Variants in TP53BP2 observed in about 807,000 individuals in gnomAD.
TP53BP2 encodes the protein tumor protein p53 binding protein 2.
TP53BP2 carries 62 observed loss-of-function variants against 126.2 expected under a neutral mutation model. The ratio of observed to expected loss-of-function variants is 0.49; its 90% CI spans 0.40 to 0.61. The LOEUF is 0.61. Among genes scored for constraint, TP53BP2 ranks in the 20% least tolerant of loss-of-function variants. TP53BP2 has a pLI of 0.00. For synonymous variants in TP53BP2, 485 were observed against 502.9 expected (o/e 0.96, Z 0.48); for missense variants, 1,215 against 1,402.8 (o/e 0.87, Z 2.14).
At chr1:223,824,704 T>C (rs376999998) in intron 1 of TP53BP2, among the ~76,000 whole-genome samples, 2 of 152,100 alleles carry the variant, frequency 1.3e-5, no homozygotes, top group Admixed American at 6.5e-5. Context: ...AGAGCTACTA[T>C]TTAGTAAATG....
chr1:223,812,960 A>C (rs1662962698), intron 3 of TP53BP2, among the ~76,000 whole-genome samples: 1 of 152,116 alleles, frequency 6.6e-6, no homozygotes, highest in Admixed American at 6.5e-5. Flanking sequence ...AGCCTCCCAA[A>C]GTGCTGGGAT....
At position 223,779,979 on chromosome 1, in the gene TP53BP2, A is replaced by G. The variant is rs1381247082; in HGVS notation, c.*874T>C. Reference sequence around the variant, plus strand: ...AAAAAACTCTTATTACGATACATATACTTATGTTAAGCAGTTTGTTCTTTT... The same window carrying G: ...AAAAAACTCTTATTACGATACATATGCTTATGTTAAGCAGTTTGTTCTTTT... On this transcript the variant is annotated 3_prime_UTR_variant, in exon 18 of 18. Transcript: ENST00000343537. The G allele has an allele frequency of 1.3e-5, 2 of 152,202 alleles. No homozygotes were observed. Among genetic ancestry groups the G allele is most frequent in the Non-Finnish European group, 2.9e-5 (2 of 68,036 alleles). The allele number at this position is 152,202 out of a possible 1,614,324, so 9.4% of individuals were successfully genotyped here.
chr1:223,788,354 C>G (rs1662040810), intron 16 of TP53BP2, among the ~76,000 whole-genome samples: 1 of 152,148 alleles, frequency 6.6e-6, no homozygotes, highest in Admixed American at 6.5e-5. Context: ...TTTAATTCCT[C>G]TCAAGCCCAA....
chr1:223,840,300 AT>A (rs1176092135), intron 1 of TP53BP2, among the ~76,000 whole-genome samples: 2 of 152,226 alleles, frequency 1.3e-5, no homozygotes, highest in Non-Finnish European at 2.9e-5. Context: ...ATAACTATAC[AT>A]TTCATACATA....
Position 223,798,299 on chromosome 1 carries a change from G to T in TP53BP2, c.1864C>A (p.Gln622Lys). The T allele has an allele frequency of 6.2e-7, 1 of 1,614,180 alleles. No individual in the cohort carries two copies. Among genetic ancestry groups the T allele is most frequent in the Non-Finnish European group, 8.5e-7 (1 of 1,180,034 alleles). Reference protein sequence around the residue: ...ASSIYSMYTQQQAPGKNFQQA... With the variant: ...ASSIYSMYTQKQAPGKNFQQA... ...TGGAAGTTTTTTCCTGGCGCCTGCT[G>T]TTGCGTATACATGGAATATATTGAA... Residue 622 changes from glutamine to lysine, a missense_variant, in exon 12 of 18, where the codon CAG (glutamine) becomes AAG (lysine). Gln to Lys is a moderately conservative substitution (Grantham distance 53). Coordinates refer to ENST00000343537, the MANE Select transcript of TP53BP2 (RefSeq NM_001031685.3).
At chr1:223,817,488 T>G (rs1346175248) in intron 2 of TP53BP2, among the ~76,000 whole-genome samples, 1 of 152,158 alleles carries the variant, frequency 6.6e-6, no homozygotes, top group Non-Finnish European at 1.5e-5. Context: ...ATCCACCCCC[T>G]AGAGAAATGC....
At chr1:223,821,550 C>G (rs1182053198) in intron 1 of TP53BP2, 183 bp from the exon 2 acceptor site, 2 of 782,802 alleles carry the variant, frequency 2.6e-6, no homozygotes, top group Non-Finnish European at 4.5e-6. Flanking sequence ...GGAGCCCAGC[C>G]CCTACCATGG....
At position 223,796,066 on chromosome 1, in the gene TP53BP2, C is replaced by G; in HGVS notation, c.2473G>C (p.Glu825Gln). 1 of 1,614,216 alleles carries G rather than the reference C, an allele frequency of 6.2e-7. No homozygotes were observed. ...GAAGGAGCTGGCATGTCACTGTTCTCTGTACTGGCATTCCCCACATCCTCT... is the reference window on the plus strand; with the variant it reads ...GAAGGAGCTGGCATGTCACTGTTCTGTGTACTGGCATTCCCCACATCCTCT... ...SPEDVGNAST[E>Q]NSDMPAPSPG... The change falls in exon 13 of 18, where the codon GAG becomes CAG. Residue 825 changes from glutamate (E) to glutamine (Q), a missense_variant. Transcript: ENST00000343537. This position sits in a 1 kb window ranked among gnomAD's most constrained non-coding sequence, Gnocchi z 4.2.
rs920289084 is a variant in TP53BP2, at chr1:223,780,999, A to G, written c.3364-105T>C. The G allele has an allele frequency of 6.3e-6, 7 of 1,110,410 alleles. No homozygotes were observed. The African/African-American group carries it at 1.1e-4, about 18-fold the overall frequency. 68.8% of individuals were successfully genotyped at this position (1,110,410 alleles called of 1,614,324 possible). A position where few individuals can be genotyped will look rare whatever the true frequency, so the allele number is the denominator to read the frequency against. On this transcript the variant is annotated intron_variant, in intron 17 of 17. Transcript: ENST00000343537. ...AGGGGACAGATGTCATGGGAAGGAA[A>G]TCAAAGTGAGAAAAGCACTCTTTGT...
intron 1 of TP53BP2, among the ~76,000 whole-genome samples, chr1:223,828,874 G>A (rs1663598599): frequency 6.6e-6 from 1 of 152,120 alleles, no homozygotes; most frequent in African/African-American, 2.4e-5. Context: ...TCTTTCTCGG[G>A]TGATGAAAAT....
intron 11 of TP53BP2, 116 bp from the exon 12 acceptor site, chr1:223,798,793 C>T (rs1280093317): frequency 6.4e-6 from 6 of 943,288 alleles, no homozygotes; most frequent in South Asian, 1.8e-5. Context: ...TAGCTCTGGC[C>T]GGGTGCAGGG....
chr1:223,819,511 C>T (rs891973154), intron 2 of TP53BP2, among the ~76,000 whole-genome samples: 126 of 151,870 alleles, frequency 8.3e-4, no homozygotes, highest in Non-Finnish European at 1.4e-3. Context: ...ACGGTGAAAC[C>T]CTGTCTCTAC....
At chr1:223,798,050 AT>A (rs1662392987) in intron 12 of TP53BP2, among the ~76,000 whole-genome samples, 164 bp downstream of exon 12, 2 of 152,126 alleles carry the variant, frequency 1.3e-5, no homozygotes, top group African/African-American at 4.8e-5. Flanking sequence ...AGGAGCAGAC[AT>A]TTAGCAAGCA....
At chr1:223,806,259 C>T (rs1446655444) in intron 5 of TP53BP2, among the ~76,000 whole-genome samples, 1 of 152,114 alleles carries the variant, frequency 6.6e-6, no homozygotes, top group African/African-American at 2.4e-5. Flanking sequence ...GCTCTTTCCA[C>T]CTTTCCTGTC....
chr1:223,815,997 G>A (rs553949188), intron 2 of TP53BP2, among the ~76,000 whole-genome samples: 20 of 152,196 alleles, frequency 1.3e-4, no homozygotes, highest in African/African-American at 2.2e-4. Flanking sequence ...CAAATTTCTC[G>A]GCACGTATCA....
chr1:223,806,757 G>A, intron 5 of TP53BP2, 89 bp downstream of exon 5: 3 of 943,924 alleles, frequency 3.2e-6, no homozygotes, highest in South Asian at 1.5e-5. Flanking sequence ...TCAGGAGGCG[G>A]AGGTTGCAGT....
At chr1:223,804,117 T>G (rs1662631069) in intron 6 of TP53BP2, 57 bp downstream of exon 6, 1 of 1,553,478 alleles carries the variant, frequency 6.4e-7, no homozygotes, top group Non-Finnish European at 8.7e-7. Context: ...AGACCCTGTC[T>G]CAAAAAAACC....
rs558576996 is a variant in TP53BP2, at chr1:223,796,602, A to C, written c.1949-12T>G. 6.5e-7 allele frequency: 1 copy of C among 1,537,626 alleles called. No individual in the cohort carries two copies. Among genetic ancestry groups the C allele is most frequent in the Non-Finnish European group, 8.7e-7 (1 of 1,151,474 alleles). On this transcript the variant is annotated splice_polypyrimidine_tract_variant and intron_variant, in intron 12 of 17. Coordinates refer to ENST00000343537, the MANE Select transcript of TP53BP2 (RefSeq NM_001031685.3). The surrounding 1 kb of genome is among the most constrained non-coding windows in gnomAD (Gnocchi z 4.2). ...AGGCTTACCATATACTAATTGGAAA[A>C]GGAAAAAAAAAAGCCCTCATTAGCA...
intron 2 of TP53BP2, among the ~76,000 whole-genome samples, chr1:223,819,685 C>CAAA (rs11370130): frequency 4.0e-5 from 6 of 148,216 alleles, no homozygotes; most frequent in African/African-American, 1.0e-4. Flanking sequence ...GACTCCATCT[C>CAAA]AAAAAAAGAA....
Sources: allele counts gnomAD v4.1 joint callset (sites outside exome capture counted in the v4.1 genomes callset), GRCh38; gene constraint gnomAD v4.1.1; non-coding constraint Gnocchi (gnomAD v3.1); transcripts MANE v1.5; gene names NCBI Gene and HGNC (gene_info 2026-07-23, HGNC 2026-07-21).